The following ARMC8 variants were observed in gnomAD, a reference collection of about 807,000 sequenced individuals.
ARMC8 encodes armadillo repeat-containing protein 8.
ARMC8 carries 20 observed loss-of-function variants against 99.3 expected under a neutral mutation model. The ratio of observed to expected loss-of-function variants is 0.20; its 90% CI spans 0.14 to 0.29. The LOEUF is 0.29. Among genes scored for constraint, ARMC8 ranks in the 10% least tolerant of loss-of-function variants. The probability of loss-of-function intolerance (pLI) is 1.00; values close to 1 mark genes in which losing one functional copy is unlikely to be tolerated. For missense variants in ARMC8, 569 were observed against 809.5 expected (o/e 0.70, Z 3.60); for synonymous variants, 263 against 278.3 (o/e 0.95, Z 0.55).
intron 2 of ARMC8, among the ~76,000 whole-genome samples, chr3:138,211,907 T>TA (rs946561482): frequency 1.0e-4 from 15 of 150,504 alleles, no homozygotes; most frequent in East Asian, 1.9e-4. Flanking sequence ...TAAAACAACT[T>TA]AAAAAAAAAG....
chr3:138,212,014 CAA>C (rs1274171355), intron 2 of ARMC8, among the ~76,000 whole-genome samples: 2 of 152,090 alleles, frequency 1.3e-5, no homozygotes, highest in South Asian at 2.1e-4. Flanking sequence ...CTAACTCAGA[CAA>C]GAGAATGTGA....
chr3:138,234,963 A>T, intron 6 of ARMC8, 71 bp from the exon 7 acceptor site: 2 of 1,278,494 alleles, frequency 1.6e-6, no homozygotes, highest in Non-Finnish European at 2.3e-6. Context: ...TTCTACATTT[A>T]AGTAAATGTG....
At chr3:138,257,390 C>CT (rs2108237151) in intron 12 of ARMC8, among the ~76,000 whole-genome samples, 1 of 152,122 alleles carries the variant, frequency 6.6e-6, no homozygotes, top group East Asian at 1.9e-4. Flanking sequence ...GGCATCATGT[C>CT]TTTAAGTATC....
chr3:138,197,749 T>C (rs2043820120), intron 1 of ARMC8, among the ~76,000 whole-genome samples: 1 of 152,226 alleles, frequency 6.6e-6, no homozygotes, highest in Non-Finnish European at 1.5e-5. Context: ...CAGTGGGTTC[T>C]TATCTCATTT....
rs139576384 is a variant in ARMC8 at position 138,242,836 on chromosome 3, A to T, written c.1038+853A>T. Among the ~76,000 whole-genome samples, 14 of 152,346 alleles carry T rather than the reference A, an allele frequency of 9.2e-5. No individual in the cohort carries two copies. The East Asian group carries it at 2.7e-3, about 29-fold the overall frequency. ...TGGCTTTTAACTTTGAAAATAAAGC[A>T]AACTATTAAGGGTATATCTTTACTC... is the stretch of plus-strand genomic sequence containing the variant. On this transcript the variant is annotated intron_variant, in intron 11 of 21. Transcript: ENST00000469044.
intron 1 of ARMC8, among the ~76,000 whole-genome samples, chr3:138,202,731 A>C (rs573319223): frequency 6.6e-6 from 1 of 152,220 alleles, no homozygotes; most frequent in African/African-American, 2.4e-5. Context: ...TTTCTGCTAC[A>C]TGATATCTGA....
At chr3:138,231,804 T>C (rs1208416265) in intron 6 of ARMC8, among the ~76,000 whole-genome samples, 1 of 150,836 alleles carries the variant, frequency 6.6e-6, no homozygotes, top group Non-Finnish European at 1.5e-5. Context: ...AAAAAGACCA[T>C]GAGGACTTAG....
intron 18 of ARMC8, among the ~76,000 whole-genome samples, chr3:138,281,298 CTTT>C (rs747921351): frequency 7.0e-6 from 1 of 142,306 alleles, no homozygotes. Context: ...ATTTCTTTTT[CTTT>C]TTTTTTTTTT....
intron 1 of ARMC8, among the ~76,000 whole-genome samples, chr3:138,205,423 G>A (rs908792504): frequency 1.3e-5 from 2 of 152,026 alleles, no homozygotes; most frequent in Admixed American, 6.5e-5. Context: ...ACCCTACATC[G>A]AGTCTAATGG....
chr3:138,258,310 A>C (rs970685705), intron 12 of ARMC8, among the ~76,000 whole-genome samples: 1 of 152,194 alleles, frequency 6.6e-6, no homozygotes. Flanking sequence ...AGTATCAAGA[A>C]TGTTTCATCC....
intron 18 of ARMC8, among the ~76,000 whole-genome samples, chr3:138,274,749 A>G (rs2049112272): frequency 6.6e-6 from 1 of 152,200 alleles, no homozygotes; most frequent in Admixed American, 6.5e-5. Flanking sequence ...ACCAGCGTCT[A>G]CAGTTTTGCT....
chr3:138,273,115 C>G lies in ARMC8; in HGVS notation c.1628C>G (p.Pro543Arg). The G allele has an allele frequency of 6.2e-7, 1 of 1,600,954 alleles. No homozygotes were observed. Among genetic ancestry groups the G allele is most frequent in the Non-Finnish European group, 8.5e-7 (1 of 1,175,650 alleles). The change falls in exon 17 of 22, where the codon CCT (proline) becomes CGT (arginine). Residue 543 changes from proline (P) to arginine (R), a missense_variant and splice_region_variant. Around this residue, in one of 2 missense-constraint regions of ARMC8, gnomAD observed 227 missense variants for 417.9 expected, o/e 0.54. Coordinates refer to ENST00000469044, the MANE Select transcript of ARMC8 (RefSeq NM_001363941.2). Reference sequence around the variant, plus strand: ...CTTAGAAATCTCCTCTCCACTCGTCCTGTAAGTAAAATCACCCAGGCTTCC... The same window carrying G: ...CTTAGAAATCTCCTCTCCACTCGTCGTGTAAGTAAAATCACCCAGGCTTCC... ...GLLRNLLSTR[P>R]HIDKIMSTHG...
intron 15 of ARMC8, among the ~76,000 whole-genome samples, chr3:138,269,820 C>CTTTTTTTTTTT (rs77095833): frequency 8.2e-6 from 1 of 121,694 alleles, no homozygotes; most frequent in African/African-American, 3.0e-5. Flanking sequence ...TGTTTTCTTT[C>CTTTTTTTTTTT]TTTTTTTTTT....
At chr3:138,214,418 T>G (rs750876423) in intron 2 of ARMC8, among the ~76,000 whole-genome samples, 4 of 151,926 alleles carry the variant, frequency 2.6e-5, no homozygotes, top group African/African-American at 4.8e-5. Flanking sequence ...GTACTGATGA[T>G]ATGAGTTTAT....
chr3:138,265,681 T>G (rs1488009057), intron 14 of ARMC8, among the ~76,000 whole-genome samples: 1 of 152,208 alleles, frequency 6.6e-6, no homozygotes, highest in Non-Finnish European at 1.5e-5. Flanking sequence ...ACATTATGTA[T>G]GGTATGTGTA....
At chr3:138,195,814 G>A (rs2043697322) in intron 1 of ARMC8, among the ~76,000 whole-genome samples, 1 of 149,230 alleles carries the variant, frequency 6.7e-6, no homozygotes, top group Non-Finnish European at 1.5e-5. Context: ...AATAAGAGCA[G>A]TTTTACAGAA....
At chr3:138,263,997 G>A (rs2048009301) in intron 13 of ARMC8, 134 bp from the exon 14 acceptor site, 1 of 946,040 alleles carries the variant, frequency 1.1e-6, no homozygotes, top group Non-Finnish European at 1.7e-6. Flanking sequence ...ACCCCATAAA[G>A]TGGTCTGATG....
intron 18 of ARMC8, among the ~76,000 whole-genome samples, chr3:138,276,516 G>C (rs1292268737): frequency 2.0e-5 from 3 of 152,140 alleles, no homozygotes; most frequent in African/African-American, 7.2e-5. Flanking sequence ...GGAAAGGACA[G>C]TATGAATGCC....
chr3:138,219,078 A>G (rs889958193), intron 2 of ARMC8, among the ~76,000 whole-genome samples: 1 of 152,162 alleles, frequency 6.6e-6, no homozygotes, highest in Non-Finnish European at 1.5e-5. Context: ...GTCATTTAAT[A>G]TTGGGTTCTG....
Sources: gnomAD v4.1 joint callset for allele counts (sites outside exome capture counted in the v4.1 genomes callset) on GRCh38, gnomAD v4.1.1 for gene constraint, gnomAD v4.1.1 regional missense constraint, MANE v1.5 for transcripts, NCBI Gene and HGNC (gene_info 2026-07-23, HGNC 2026-07-21) for gene names.